GMDS: variants seen among roughly 807,000 people sequenced by gnomAD.
GMDS encodes GDP-mannose 4,6 dehydratase.
GMDS carries 20 observed loss-of-function variants against 49.9 expected under a neutral mutation model. That is an observed-to-expected ratio of 0.40 (90% CI 0.28 to 0.58). GMDS has a LOEUF of 0.58. GMDS is among the 20% of genes least tolerant of loss of function. The pLI, the probability that GMDS is intolerant of heterozygous loss-of-function variation, is 0.42. For synonymous variants in GMDS, 177 were observed against 178.6 expected (o/e 0.99, Z 0.07); for missense variants, 362 against 481.4 (o/e 0.75, Z 2.32).
intron 4 of GMDS, among the ~76,000 whole-genome samples, chr6:2,098,607 G>GA: frequency 6.6e-6 from 1 of 152,252 alleles, no homozygotes; most frequent in South Asian, 2.1e-4. Flanking sequence ...GCACTGAACT[G>GA]AAAATTTCCA....
intron 7 of GMDS, among the ~76,000 whole-genome samples, chr6:1,911,903 C>T (rs561563885): frequency 1.3e-5 from 2 of 152,266 alleles, no homozygotes; most frequent in African/African-American, 4.8e-5. Flanking sequence ...AGGGAAAAAA[C>T]ACCTCCAAAA....
At chr6:1,747,756 T>C (rs763861832) in intron 7 of GMDS, among the ~76,000 whole-genome samples, 1 of 152,190 alleles carries the variant, frequency 6.6e-6, no homozygotes, top group African/African-American at 2.4e-5. Context: ...GGAATTCACA[T>C]AGGTAGGTCT....
chr6:1,734,076 T>A (rs1766923660), intron 8 of GMDS, among the ~76,000 whole-genome samples: 1 of 152,136 alleles, frequency 6.6e-6, no homozygotes, highest in Admixed American at 6.5e-5. Flanking sequence ...AATACAGCGC[T>A]AGTGTAAACG....
chr6:1,638,933 G>A (rs972569722), intron 9 of GMDS, among the ~76,000 whole-genome samples: 1 of 152,210 alleles, frequency 6.6e-6, no homozygotes, highest in African/African-American at 2.4e-5. Context: ...GATAGTGAGA[G>A]TGCAGAAAGA....
chr6:2,041,762 T>C (rs1025948454), intron 4 of GMDS, among the ~76,000 whole-genome samples: 4 of 151,966 alleles, frequency 2.6e-5, no homozygotes, highest in Non-Finnish European at 5.9e-5. Context: ...CCATATGACA[T>C]TGTAAAAACA....
At chr6:1,684,100 T>G (rs1180241867) in intron 9 of GMDS, among the ~76,000 whole-genome samples, 4 of 152,040 alleles carry the variant, frequency 2.6e-5, no homozygotes, top group Non-Finnish European at 2.9e-5. Flanking sequence ...TCAGCTATTT[T>G]TTTTGTATTT....
intron 7 of GMDS, among the ~76,000 whole-genome samples, chr6:1,744,785 T>C (rs770207117): frequency 6.6e-6 from 1 of 152,244 alleles, no homozygotes; most frequent in East Asian, 1.9e-4. Context: ...TGTCTCCTCA[T>C]CTGTCTGGGA....
At chr6:2,127,707 C>T (rs1477241897) in intron 1 of GMDS, among the ~76,000 whole-genome samples, 1 of 152,238 alleles carries the variant, frequency 6.6e-6, no homozygotes, top group Non-Finnish European at 1.5e-5. Context: ...CCAGGGGGCC[C>T]AGCTGGCCGC....
At chr6:1,631,117 C>A (rs1388030448) in intron 9 of GMDS, among the ~76,000 whole-genome samples, 1 of 152,196 alleles carries the variant, frequency 6.6e-6, no homozygotes, top group African/African-American at 2.4e-5. Context: ...ACTCTTGTGA[C>A]ATCGCTGGCA....
intron 7 of GMDS, among the ~76,000 whole-genome samples, chr6:1,810,441 C>G (rs939070720): frequency 6.6e-6 from 1 of 152,102 alleles, no homozygotes; most frequent in Non-Finnish European, 1.5e-5. Flanking sequence ...TGCCACCACA[C>G]CTGGCTAATT....
At chr6:2,020,153 G>A in intron 4 of GMDS, among the ~76,000 whole-genome samples, 1 of 152,078 alleles carries the variant, frequency 6.6e-6, no homozygotes, top group East Asian at 1.9e-4. Flanking sequence ...GTTTATATAT[G>A]TATGACTGAT....
At chr6:1,700,018 T>C (rs1017779661) in intron 9 of GMDS, among the ~76,000 whole-genome samples, 1 of 152,182 alleles carries the variant, frequency 6.6e-6, no homozygotes, top group Non-Finnish European at 1.5e-5. Context: ...AATGTGAACA[T>C]TCTGCAAAAG....
chr6:2,076,502 T>C (rs569709771), intron 4 of GMDS, among the ~76,000 whole-genome samples: 167 of 152,288 alleles, frequency 1.1e-3, no homozygotes, highest in Admixed American at 1.8e-3. Flanking sequence ...GCTACCTGAC[T>C]TCAAACTGTA....
intron 1 of GMDS, among the ~76,000 whole-genome samples, chr6:2,235,054 G>A (rs1314054106): frequency 1.3e-5 from 2 of 152,140 alleles, no homozygotes; most frequent in East Asian, 3.9e-4. Context: ...GAACCTGGGA[G>A]GTGGAGGTTG....
At chr6:2,208,997 C>CCAGA (rs1190573027) in intron 1 of GMDS, among the ~76,000 whole-genome samples, 2 of 152,116 alleles carry the variant, frequency 1.3e-5, no homozygotes, top group African/African-American at 2.4e-5. Context: ...GTTTTAGAAA[C>CCAGA]CTCTTCCATC....
chr6:2,131,016 A>G (rs1347959155), intron 1 of GMDS, among the ~76,000 whole-genome samples: 1 of 152,086 alleles, frequency 6.6e-6, no homozygotes, highest in African/African-American at 2.4e-5. Flanking sequence ...TGGAAGTATC[A>G]AGAACATGTA....
intron 4 of GMDS, among the ~76,000 whole-genome samples, 158 bp from the exon 5 acceptor site, chr6:1,961,124 C>T (rs1261112251): frequency 3.3e-5 from 5 of 152,218 alleles, no homozygotes; most frequent in Non-Finnish European, 7.3e-5. Context: ...CATCTACATA[C>T]AGTATCAAAT....
chr6:2,193,231 T>G (rs1779126530), intron 1 of GMDS, among the ~76,000 whole-genome samples: 1 of 152,264 alleles, frequency 6.6e-6, no homozygotes, highest in African/African-American at 2.4e-5. Context: ...AACCTGTTTA[T>G]AATTGTCTGA....
At chr6:1,790,568 T>A (rs970664927) in intron 7 of GMDS, among the ~76,000 whole-genome samples, 2 of 152,250 alleles carry the variant, frequency 1.3e-5, no homozygotes, top group Non-Finnish European at 2.9e-5. Flanking sequence ...AAATTTTACA[T>A]GAAGTTTCCA....
Sources: allele counts gnomAD v4.1 joint callset (sites outside exome capture counted in the v4.1 genomes callset), GRCh38; gene constraint gnomAD v4.1.1; transcripts MANE v1.5; gene names NCBI Gene and HGNC (gene_info 2026-07-23, HGNC 2026-07-21).